SYVN1: variants seen among roughly 807,000 people sequenced by gnomAD.
The protein encoded by SYVN1 is E3 ubiquitin-protein ligase synoviolin.
SYVN1 carries 17 observed loss-of-function variants against 62.6 expected under a neutral mutation model. The ratio of observed to expected loss-of-function variants is 0.27; its 90% CI spans 0.19 to 0.41. SYVN1 has a LOEUF of 0.41. SYVN1 is among the 10% of genes least tolerant of loss of function. The pLI is 1.00. For synonymous variants in SYVN1, 316 were observed against 304.0 expected (o/e 1.04, Z -0.41); for missense variants, 634 against 818.0 (o/e 0.78, Z 2.74).
rs1468747255 is a variant in SYVN1, at chr11:65,132,250, C to G, written c.529G>C (p.Glu177Gln). 1 of 1,613,744 alleles carries G rather than the reference C, an allele frequency of 6.2e-7. No homozygotes were observed. Among genetic ancestry groups the G allele is most frequent in the Non-Finnish European group, 8.5e-7 (1 of 1,179,668 alleles). The change falls in exon 6 of 16, where the codon GAG (glutamate) becomes CAG (glutamine). Residue 177 changes from glutamate (E) to glutamine (Q), a missense_variant and splice_region_variant. Transcript: ENST00000377190. ...GASVQLVFGF[E>Q]YAILMTMVLT... ...TCAACCTCCCAAGCCAGTTTTACCT[C>G]AAAGCCAAACACCAGCTGCACAGAG...
At chr11:65,129,688 T>C in intron 14 of SYVN1, 41 bp downstream of exon 14, 1 of 1,596,984 alleles carries the variant, frequency 6.3e-7, no homozygotes, top group Non-Finnish European at 8.6e-7. Context: ...GCTCCACTCC[T>C]GACCCACCAA....
In SYVN1 at chr11:65,133,522, T is replaced by C; in HGVS notation, c.80A>G (p.His27Arg). 1 of 1,613,686 alleles carries C rather than the reference T, an allele frequency of 6.2e-7. No homozygotes were observed. Among genetic ancestry groups the C allele is most frequent in the Non-Finnish European group, 8.5e-7 (1 of 1,180,000 alleles). The stretch of plus-strand genomic sequence containing the variant: ...GTACACCACAGTGGGGTAGAACTGG[T>C]GTTTGAGGTAGTAGGCGTGAGCCAC... ...AVVAHAYYLK[H>R]QFYPTVVYLT... Residue 27 changes from histidine to arginine, a missense_variant, in exon 2 of 16, where the codon CAC becomes CGC. Transcript: ENST00000377190.
In SYVN1 at chr11:65,133,363, G is replaced by A. The variant is rs1330117957; in HGVS notation, c.132+107C>T. ...ATCACAGTTTATTCAAAGTTAGGCA[G>A]CTGGCGGCTACTTCCCTACTTACCT... On this transcript the variant is annotated intron_variant, in intron 2 of 15. Transcript: ENST00000377190. 26 of 1,572,422 alleles carry A rather than the reference G, an allele frequency of 1.7e-5. No individual in the cohort carries two copies. The Admixed American group carries it at 4.3e-4, about 26-fold the overall frequency.
chr11:65,133,477 C>T lies in SYVN1; in HGVS notation c.125G>A (p.Ser42Asn). 1 of 1,613,776 alleles carries T rather than the reference C, an allele frequency of 6.2e-7. No individual in the cohort carries two copies. Residue 42 changes from serine (S) to asparagine (N), a missense_variant, in exon 2 of 16, where the codon AGC becomes AAC. Physicochemically the swap from Ser to Asn is conservative, Grantham distance 46 (BLOSUM62 1). Transcript: ENST00000377190. Reference protein sequence around the residue: ...TVVYLTKSSPSMAVLYIQAFV... With the variant: ...TVVYLTKSSPNMAVLYIQAFV... Reference sequence around the variant, plus strand: ...CCTGAGCCCTGAACTCACTGCCATGCTGGGGCTGGACTTGGTCAGGTACAC... The same window carrying T: ...CCTGAGCCCTGAACTCACTGCCATGTTGGGGCTGGACTTGGTCAGGTACAC...
rs760409430 is a variant in SYVN1 at position 65,131,256 on chromosome 11, G to A, written c.758+18C>T. ...ACGGGATCAGGTCAGGAGGATCGGG[G>A]GACAGGGCCGGGCTCACCTCATGGC... On this transcript the variant is annotated intron_variant, in intron 8 of 15. Coordinates refer to ENST00000377190, the MANE Select transcript of SYVN1 (RefSeq NM_172230.3). 13 of 1,613,844 alleles carry A rather than the reference G, an allele frequency of 8.1e-6. No homozygotes were observed. The highest frequency in any genetic ancestry group is 1.1e-5 in the South Asian group (1 of 91,084).
At chr11:65,128,796 A>C (rs1440727239) in intron 14 of SYVN1, 82 bp from the exon 15 acceptor site, 2 of 1,406,132 alleles carry the variant, frequency 1.4e-6, no homozygotes, top group African/African-American at 2.9e-5. Context: ...TGAGCCTTGC[A>C]GAACAGAGTA....
At position 65,131,177 on chromosome 11, in the gene SYVN1, G is replaced by C. The variant is rs778015976; in HGVS notation, c.779C>G (p.Thr260Arg). 7 of 1,614,190 alleles carry C rather than the reference G, an allele frequency of 4.3e-6. No individual in the cohort carries two copies. The South Asian group carries it at 4.4e-5, about 10-fold the overall frequency. Residue 260 changes from threonine to arginine, a missense_variant, in exon 9 of 16, where the codon ACA (threonine) becomes AGA (arginine). Physicochemically the swap from Thr to Arg is moderately conservative, Grantham distance 71. This residue lies in a region of SYVN1 where 283 missense variants were observed against 444.7 expected (regional missense o/e 0.64). Transcript: ENST00000377190. ...LAMRQFKKAV[T>R]DAIMSRRAIR... ...GGCTCGGCGAGACATGATGGCATCT[G>C]TCACAGCTTTCTTGAACTGTCTGAA...
Position 65,131,479 on chromosome 11 carries a change from G to A in SYVN1, c.649C>T (p.Leu217=). Residue 217 remains leucine, a synonymous_variant, in exon 7 of 16, where the codon CTG becomes TTG. Coordinates refer to ENST00000377190, the MANE Select transcript of SYVN1 (RefSeq NM_172230.3). ...CCCAGGCCCCTCTCACCTGTAAACA[G>A]CTCTGTGTAGAGCATGTACACAGCC... The part of the protein sequence containing the change: ...NKAVYMLYTE[L]FTGFIKVLLY... 6.2e-7 allele frequency: 1 copy of A among 1,614,120 alleles called. No individual in the cohort carries two copies.
At chr11:65,132,632 T>C (rs1350432261) in intron 5 of SYVN1, 100 bp downstream of exon 5, 2 of 1,367,178 alleles carry the variant, frequency 1.5e-6, no homozygotes, top group Admixed American at 3.4e-5. Flanking sequence ...CTTCCTAAAT[T>C]ATCTTTCCTG....
rs757980557 is a variant in SYVN1, at chr11:65,134,492, G to C, written c.-54C>G. On this transcript the variant is annotated 5_prime_UTR_variant, in exon 1 of 16. Coordinates refer to ENST00000377190, the MANE Select transcript of SYVN1 (RefSeq NM_172230.3). Reference sequence around the variant, plus strand: ...CGCCGCGAGCCCGCTCAATCCGCGCGACTGCGGCTGCCCCTCCGGTTAACA... The same window carrying C: ...CGCCGCGAGCCCGCTCAATCCGCGCCACTGCGGCTGCCCCTCCGGTTAACA... The C allele has an allele frequency of 2.0e-5, 3 of 152,732 alleles. No individual in the cohort carries two copies. Among genetic ancestry groups the C allele is most frequent in the Non-Finnish European group, 2.9e-5 (2 of 68,108 alleles). 9.5% of individuals were successfully genotyped at this position (152,732 alleles called of 1,614,324 possible).
chr11:65,130,614 C>A (rs1235023854), intron 11 of SYVN1, 46 bp downstream of exon 11: 1 of 1,487,888 alleles, frequency 6.7e-7, no homozygotes, highest in South Asian at 1.4e-5. Context: ...CAGCCCAGGG[C>A]AAGTATCCAG....
rs1468346463 is a variant in SYVN1, at chr11:65,127,982, C to T, written c.*400G>A. The T allele has an allele frequency of 4.3e-6, 1 of 232,498 alleles. No homozygotes were observed. Among genetic ancestry groups the T allele is most frequent in the Non-Finnish European group, 8.5e-6 (1 of 118,116 alleles). 14.4% of individuals were successfully genotyped at this position (232,498 alleles called of 1,614,324 possible). On this transcript the variant is annotated 3_prime_UTR_variant, in exon 16 of 16. Coordinates refer to ENST00000377190, the MANE Select transcript of SYVN1 (RefSeq NM_172230.3). Reference sequence around the variant, plus strand: ...GCTTGCCTCCAGCCCCTCTGGAGTCCACACTTGGGAACGGGAGCTAATACT... The same window carrying T: ...GCTTGCCTCCAGCCCCTCTGGAGTCTACACTTGGGAACGGGAGCTAATACT...
In SYVN1 at chr11:65,128,429, G is replaced by T; in HGVS notation, c.1807C>A (p.Leu603Ile). 6.2e-7 allele frequency: 1 copy of T among 1,614,112 alleles called. No individual in the cohort carries two copies. Among genetic ancestry groups the T allele is most frequent in the South Asian group, 1.1e-5 (1 of 91,086 alleles). ...PEDGEPDAAELRRRRLQKLES... is the reference protein window; with the variant it reads ...PEDGEPDAAEIRRRRLQKLES... The stretch of plus-strand genomic sequence containing the variant: ...AGCTTCTGCAGGCGGCGCCGGCGGA[G>T]CTCTGCTGCATCGGGCTCTCCATCC... Residue 603 changes from leucine to isoleucine, a missense_variant, in exon 16 of 16, where the codon CTC (leucine) becomes ATC (isoleucine). Physicochemically the swap from Leu to Ile is conservative, Grantham distance 5 (BLOSUM62 2). Coordinates refer to ENST00000377190, the MANE Select transcript of SYVN1 (RefSeq NM_172230.3).
rs778847260 is a variant in SYVN1 at position 65,131,159 on chromosome 11, C to T, written c.797G>A (p.Arg266His). 4 of 1,614,044 alleles carry T rather than the reference C, an allele frequency of 2.5e-6. No homozygotes were observed. Among genetic ancestry groups the T allele is most frequent in the South Asian group, 1.1e-5 (1 of 91,084 alleles). The change falls in exon 9 of 16, where the codon CGC becomes CAC. Residue 266 changes from arginine (R) to histidine (H), a missense_variant. Arg to His is a conservative substitution (Grantham distance 29). This residue lies in a region of SYVN1 where 283 missense variants were observed against 444.7 expected (regional missense o/e 0.64). Coordinates refer to ENST00000377190, the MANE Select transcript of SYVN1 (RefSeq NM_172230.3). Reference sequence around the variant, plus strand: ...GGTGTTCATGTTGCGGATGGCTCGGCGAGACATGATGGCATCTGTCACAGC... The same window carrying T: ...GGTGTTCATGTTGCGGATGGCTCGGTGAGACATGATGGCATCTGTCACAGC... ...KKAVTDAIMS[R>H]RAIRNMNTLY... is the part of the protein sequence containing the mutation.
chr11:65,131,245 G>A, intron 8 of SYVN1, 29 bp downstream of exon 8: 3 of 1,613,928 alleles, frequency 1.9e-6, no homozygotes, highest in Non-Finnish European at 2.5e-6. Flanking sequence ...GATCAGGTCA[G>A]GAGGATCGGG....
In SYVN1 at chr11:65,130,052, C is replaced by T. The variant is rs772847632; in HGVS notation, c.1358G>A (p.Gly453Asp). The change falls in exon 13 of 16, where the codon GGT becomes GAT. Residue 453 changes from glycine (G) to aspartate (D), a missense_variant. Around this residue, in one of 2 missense-constraint regions of SYVN1, gnomAD observed 351 missense variants for 373.3 expected, o/e 0.94. Coordinates refer to ENST00000377190, the MANE Select transcript of SYVN1 (RefSeq NM_172230.3). ...GSAPEAGPAP[G>D]FPFPPPWMGM... ...CATCCAGGGAGGAGGGAAGGGGAAACCAGGGGCAGGGCCAGCCTCTGGGGC... is the reference window on the plus strand; with the variant it reads ...CATCCAGGGAGGAGGGAAGGGGAAATCAGGGGCAGGGCCAGCCTCTGGGGC... 1.3e-5 allele frequency: 21 copies of T among 1,605,232 alleles called. No individual in the cohort carries two copies. The South Asian group carries it at 2.3e-4, about 18-fold the overall frequency.
At position 65,131,412 on chromosome 11, in the gene SYVN1, C is replaced by T. The variant is rs751692870; in HGVS notation, c.659-39G>A. ...ATGCAGAAAGCAGCAGGTCACAGGG[C>T]CAGGAGGCAGAGTGGAGGATGCTGG... On this transcript the variant is annotated intron_variant, in intron 7 of 15. Transcript: ENST00000377190. 3.7e-6 allele frequency: 6 copies of T among 1,613,830 alleles called. 1 individual carries two copies. The South Asian group carries it at 5.5e-5, about 15-fold the overall frequency.
rs917157897 is a variant in SYVN1 at position 65,128,101 on chromosome 11, C to T, written c.*281G>A. 2.9e-5 allele frequency: 16 copies of T among 549,162 alleles called. No individual in the cohort carries two copies. The highest frequency in any genetic ancestry group is 5.2e-5 in the Non-Finnish European group (16 of 308,572). The allele number at this position is 549,162 out of a possible 1,614,324, so 34.0% of individuals were successfully genotyped here. A position where few individuals can be genotyped will look rare whatever the true frequency, so the allele number is the denominator to read the frequency against. On this transcript the variant is annotated 3_prime_UTR_variant, in exon 16 of 16. Transcript: ENST00000377190. ...GGGGTGGGGGAAGAAGAGGGCTTCTCAGAGGCTAAACCTTCTGCCTTCATG... is the reference window on the plus strand; with the variant it reads ...GGGGTGGGGGAAGAAGAGGGCTTCTTAGAGGCTAAACCTTCTGCCTTCATG...
chr11:65,130,562 T>C, intron 11 of SYVN1, 98 bp downstream of exon 11: 5 of 1,450,720 alleles, frequency 3.4e-6, no homozygotes, highest in Non-Finnish European at 1.8e-6. Context: ...ACTGAGATTC[T>C]GGAGGGCAGG....
Sources: gnomAD v4.1 joint callset for allele counts on GRCh38, gnomAD v4.1.1 for gene constraint, gnomAD v4.1.1 regional missense constraint, MANE v1.5 for transcripts, NCBI Gene and HGNC (gene_info 2026-07-23, HGNC 2026-07-21) for gene names.